Variants in CRPPA observed in about 807,000 individuals in gnomAD.
CRPPA encodes the protein D-ribitol-5-phosphate cytidylyltransferase.
Under a neutral mutation model 52.0 loss-of-function variants are expected in CRPPA, and 43 were observed. The ratio of observed to expected loss-of-function variants is 0.83; its 90% CI spans 0.65 to 1.07. The LOEUF (loss-of-function observed/expected upper bound fraction) is 1.07, where lower values mean the gene tolerates loss of function less well. CRPPA is among the 50% of genes least tolerant of loss of function. The probability of loss-of-function intolerance (pLI) is 0.00; values close to 1 mark genes in which losing one functional copy is unlikely to be tolerated. For synonymous variants in CRPPA, 250 were observed against 203.5 expected (o/e 1.23, Z -1.94); for missense variants, 629 against 551.7 (o/e 1.14, Z -1.40).
At chr7:16,381,059 T>G (rs1386010756) in intron 2 of CRPPA, among the ~76,000 whole-genome samples, 4 of 151,650 alleles carry the variant, frequency 2.6e-5, no homozygotes, top group Admixed American at 2.6e-4. Context: ...CTCTTGCTTT[T>G]CTAGTTCTTT....
At chr7:16,374,020 C>T (rs186689341) in intron 3 of CRPPA, among the ~76,000 whole-genome samples, 1 of 152,178 alleles carries the variant, frequency 6.6e-6, no homozygotes, top group Non-Finnish European at 1.5e-5. Flanking sequence ...CAGATATCTG[C>T]TTGTGATGGT....
rs112636759 is a variant in CRPPA, at chr7:16,168,341, T to A, written c.1251+47725A>T. ...GTTAAATTAAGTGCATAGGGACATA[T>A]AAGGAATATGACATATCTGGAATCC... On this transcript the variant is annotated intron_variant, in intron 9 of 9. Coordinates refer to ENST00000407010, the MANE Select transcript of CRPPA (RefSeq NM_001101426.4). Among the ~76,000 whole-genome samples, 922 of 152,272 alleles carry A rather than the reference T, an allele frequency of 6.1e-3. 11 individuals are homozygous for A. The highest frequency in any genetic ancestry group is 0.021 in the African/African-American group (883 of 41,572).
At chr7:16,221,582 C>T (rs74907335) in intron 8 of CRPPA, among the ~76,000 whole-genome samples, 41,238 of 151,670 alleles carry the variant, frequency 0.27, 5,695 homozygotes, top group South Asian at 0.42. Context: ...CTACAATGAA[C>T]TCAAACAAAT....
chr7:16,336,875 C>T (rs2158492), intron 3 of CRPPA, among the ~76,000 whole-genome samples: 138,816 of 152,058 alleles, frequency 0.91, 63,516 homozygotes, highest in Non-Finnish European at 0.95. Flanking sequence ...AGTCAAGGCC[C>T]ACAAAGAGAC....
intron 3 of CRPPA, among the ~76,000 whole-genome samples, chr7:16,314,833 A>G (rs189954722): frequency 3.9e-5 from 6 of 152,188 alleles, no homozygotes; most frequent in Admixed American, 1.3e-4. Context: ...GCTTTTGTGT[A>G]GCTTGAGTAT....
chr7:16,257,217 G>C (rs774606134), intron 8 of CRPPA, among the ~76,000 whole-genome samples: 5 of 152,100 alleles, frequency 3.3e-5, no homozygotes, highest in Non-Finnish European at 5.9e-5. Flanking sequence ...CAAAGCCTTT[G>C]TTATTTTCAC....
intron 2 of CRPPA, among the ~76,000 whole-genome samples, chr7:16,399,051 G>A (rs114832020): frequency 0.02 from 3,030 of 152,240 alleles, 96 homozygotes; most frequent in African/African-American, 0.069. Context: ...GGTGACAAGC[G>A]ATTCACAATT....
At chr7:16,138,884 A>ATC (rs1254814441) in intron 9 of CRPPA, among the ~76,000 whole-genome samples, 1 of 151,966 alleles carries the variant, frequency 6.6e-6, no homozygotes, top group Non-Finnish European at 1.5e-5. Context: ...TCACTGCAAC[A>ATC]TCTGCCTCCC....
At chr7:16,167,726 T>C (rs935541109) in intron 9 of CRPPA, among the ~76,000 whole-genome samples, 6 of 152,252 alleles carry the variant, frequency 3.9e-5, no homozygotes, top group Non-Finnish European at 7.3e-5. Context: ...TTTGATTTCT[T>C]TGAATGTATT....
rs542247987 is a variant in CRPPA, at chr7:16,125,630, A to G, written c.1252-33831T>C. 1.2e-4 allele frequency among the ~76,000 whole-genome samples: 18 copies of G among 152,304 alleles called. No individual in the cohort carries two copies. The East Asian group carries it at 3.3e-3, about 28-fold the overall frequency. On this transcript the variant is annotated intron_variant, in intron 9 of 9. Coordinates refer to ENST00000407010, the MANE Select transcript of CRPPA (RefSeq NM_001101426.4). ...TAGTAATGGACCCCCCTCGTAAATAAGCAAGTGTCACAAATCCTAAGTATA... is the reference window on the plus strand; with the variant it reads ...TAGTAATGGACCCCCCTCGTAAATAGGCAAGTGTCACAAATCCTAAGTATA...
intron 3 of CRPPA, among the ~76,000 whole-genome samples, chr7:16,339,984 A>C (rs904991494): frequency 1.3e-5 from 2 of 152,178 alleles, no homozygotes; most frequent in Non-Finnish European, 2.9e-5. Flanking sequence ...TGGAAAAGGA[A>C]CAAAAACAAT....
chr7:16,124,868 TA>T (rs956244440), intron 9 of CRPPA, among the ~76,000 whole-genome samples: 84 of 151,504 alleles, frequency 5.5e-4, no homozygotes, highest in African/African-American at 1.8e-3. Context: ...AATTTTAAAA[TA>T]AAAAAATATA....
chr7:16,361,537 A>T (rs1221092977), intron 3 of CRPPA, among the ~76,000 whole-genome samples: 1 of 152,206 alleles, frequency 6.6e-6, no homozygotes, highest in African/African-American at 2.4e-5. Flanking sequence ...GCCAGCCCAA[A>T]AATGGAAATC....
intron 6 of CRPPA, among the ~76,000 whole-genome samples, chr7:16,274,350 T>G (rs1463112090): frequency 6.6e-6 from 1 of 152,144 alleles, no homozygotes; most frequent in Admixed American, 6.5e-5. Context: ...CCCGGCCTGT[T>G]GTGGCTGTTT....
intron 3 of CRPPA, among the ~76,000 whole-genome samples, chr7:16,355,439 C>G (rs893798631): frequency 6.6e-6 from 1 of 152,212 alleles, no homozygotes; most frequent in Non-Finnish European, 1.5e-5. Context: ...TCAGTACAGT[C>G]TGTTCTGGTT....
At chr7:16,254,650 C>T (rs922779644) in intron 8 of CRPPA, among the ~76,000 whole-genome samples, 1 of 151,598 alleles carries the variant, frequency 6.6e-6, no homozygotes, top group Non-Finnish European at 1.5e-5. Flanking sequence ...CGACGAGTTA[C>T]TGGTTACAGC....
chr7:16,348,467 T>C (rs1786069102), intron 3 of CRPPA, among the ~76,000 whole-genome samples: 1 of 152,124 alleles, frequency 6.6e-6, no homozygotes, highest in African/African-American at 2.4e-5. Context: ...CTGTGCCTAA[T>C]TTTTCACAGC....
chr7:16,286,097 A>AAAAAAATATATATATATATATAT, intron 5 of CRPPA, among the ~76,000 whole-genome samples: 6 of 39,118 alleles, frequency 1.5e-4, no homozygotes, highest in Admixed American at 3.3e-4. Context: ...TAAAAAAAAA[A>AAAAAAATATATATATATATATAT]ATATATATAT....
intron 5 of CRPPA, among the ~76,000 whole-genome samples, chr7:16,282,247 A>C (rs1345798510): frequency 6.6e-6 from 1 of 152,140 alleles, no homozygotes; most frequent in Non-Finnish European, 1.5e-5. Flanking sequence ...AAATGACTTC[A>C]TATTTAGTTT....
Sources: gnomAD v4.1 joint callset for allele counts (sites outside exome capture counted in the v4.1 genomes callset) on GRCh38, gnomAD v4.1.1 for gene constraint, MANE v1.5 for transcripts, NCBI Gene and HGNC (gene_info 2026-07-23, HGNC 2026-07-21) for gene names.